Variants in SLC22A23 observed in about 807,000 individuals in gnomAD.
SLC22A23 encodes the protein ion transporter protein.
Under a neutral mutation model 61.0 loss-of-function variants are expected in SLC22A23, and 26 were observed. The observed-to-expected ratio is 0.43, with a 90% CI of 0.31 to 0.59. The LOEUF is 0.59. Among genes scored for constraint, SLC22A23 ranks in the 20% least tolerant of loss-of-function variants. The pLI is 0.11. For synonymous variants in SLC22A23, 430 were observed against 413.9 expected (o/e 1.04, Z -0.47); for missense variants, 796 against 934.7 (o/e 0.85, Z 1.94).
intron 3 of SLC22A23, among the ~76,000 whole-genome samples, chr6:3,358,986 T>C (rs938320648): frequency 3.3e-5 from 5 of 152,198 alleles, no homozygotes; most frequent in Admixed American, 6.5e-5. Context: ...GTCAGCGCCA[T>C]GTCAGGTGCG....
rs771831912 is a variant in SLC22A23, at chr6:3,420,248, AC to A, written c.655-4394del. ...GCAAAATGAGAAAAAAAAAAAAAAA[AC>A]CAAAAACTGTGGAGTCAGAGAACCT... On this transcript the variant is annotated intron_variant, in intron 1 of 9. Transcript: ENST00000406686. 5.8e-3 allele frequency among the ~76,000 whole-genome samples: 871 copies of A among 148,958 alleles called. 7 individuals are homozygous for A. Among genetic ancestry groups the A allele is most frequent in the African/African-American group, 0.019 (781 of 40,562 alleles).
chr6:3,345,422 T>C (rs1375903277), intron 3 of SLC22A23, among the ~76,000 whole-genome samples: 3 of 147,062 alleles, frequency 2.0e-5, no homozygotes, highest in Non-Finnish European at 1.5e-5. Flanking sequence ...TGGAGTGCAG[T>C]GGTACGAACT....
intron 9 of SLC22A23, among the ~76,000 whole-genome samples, chr6:3,275,413 T>C (rs1007796525): frequency 1.3e-5 from 2 of 152,174 alleles, no homozygotes; most frequent in African/African-American, 4.8e-5. Flanking sequence ...TAGGCAAAGA[T>C]TTCTTACACA....
At chr6:3,364,797 G>A (rs2127454632) in intron 3 of SLC22A23, among the ~76,000 whole-genome samples, 1 of 152,318 alleles carries the variant, frequency 6.6e-6, no homozygotes, top group South Asian at 2.1e-4. Context: ...TTAAGACTTG[G>A]AATCTGGCCT....
At chr6:3,300,841 T>C (rs1284550212) in intron 4 of SLC22A23, among the ~76,000 whole-genome samples, 3 of 152,206 alleles carry the variant, frequency 2.0e-5, no homozygotes, top group South Asian at 2.1e-4. Context: ...ATCTGAATGA[T>C]AACTCACTCT....
At position 3,286,818 on chromosome 6, in the gene SLC22A23, C is replaced by T. The variant is rs1436633312; in HGVS notation, c.1546+41G>A. The T allele has an allele frequency of 1.3e-6, 2 of 1,516,042 alleles. No individual in the cohort carries two copies. Among genetic ancestry groups the T allele is most frequent in the East Asian group, 2.4e-5 (1 of 41,058 alleles). 93.9% of individuals were successfully genotyped at this position (1,516,042 alleles called of 1,614,324 possible). On this transcript the variant is annotated intron_variant, in intron 7 of 9. Coordinates refer to ENST00000406686, the MANE Select transcript of SLC22A23 (RefSeq NM_015482.2). This position sits in a 1 kb window ranked among gnomAD's most constrained non-coding sequence, Gnocchi z 4.2. Reference sequence around the variant, plus strand: ...TCAAATGCCCTTGGGGATCTGCCAGCTTCCCTCCCTGCACCCAGCCCACCT... The same window carrying T: ...TCAAATGCCCTTGGGGATCTGCCAGTTTCCCTCCCTGCACCCAGCCCACCT...
chr6:3,437,695 T>A (rs1215083505), intron 1 of SLC22A23, among the ~76,000 whole-genome samples: 2 of 146,626 alleles, frequency 1.4e-5, no homozygotes, highest in African/African-American at 2.5e-5. Context: ...TCTCAAAAAA[T>A]AAATAAATAA....
In SLC22A23 at chr6:3,270,276, G is replaced by C. The variant is rs1127477; in HGVS notation, c.*2779C>G. The stretch of plus-strand genomic sequence containing the variant: ...GGGAACAGCACAGAGGGGTTCAAGC[G>C]TGACAGACGGTGCTGGGAAGTGGGC... On this transcript the variant is annotated 3_prime_UTR_variant, in exon 10 of 10. Transcript: ENST00000406686. The C allele has an allele frequency of 0.86, 130,775 of 152,368 alleles. 56,323 individuals are homozygous for C. The highest frequency in any genetic ancestry group is 0.87 in the Non-Finnish European group (59,413 of 68,060). The allele number at this position is 152,368 out of a possible 1,614,324, so 9.4% of individuals were successfully genotyped here. A position where few individuals can be genotyped will look rare whatever the true frequency, so the allele number is the denominator to read the frequency against.
chr6:3,375,112 C>G (rs1766473846), intron 3 of SLC22A23, among the ~76,000 whole-genome samples: 1 of 152,054 alleles, frequency 6.6e-6, no homozygotes, highest in Non-Finnish European at 1.5e-5. Context: ...CAAAGGAAAA[C>G]AGTCATCTCA....
At chr6:3,284,472 G>C (rs761229918) in intron 8 of SLC22A23, among the ~76,000 whole-genome samples, 1 of 152,194 alleles carries the variant, frequency 6.6e-6, no homozygotes, top group South Asian at 2.1e-4. Context: ...GACCGACCTC[G>C]CGCCAGGACA....
intron 3 of SLC22A23, among the ~76,000 whole-genome samples, chr6:3,332,046 G>T (rs9503545): frequency 0.25 from 37,415 of 152,098 alleles, 5,947 homozygotes; most frequent in African/African-American, 0.44. Context: ...CATGTTTGTA[G>T]AATTATATCA....
intron 5 of SLC22A23, among the ~76,000 whole-genome samples, chr6:3,294,573 T>G (rs1251848823): frequency 3.9e-5 from 6 of 152,170 alleles, no homozygotes; most frequent in African/African-American, 1.4e-4. Context: ...GTGGCACTCA[T>G]CCCGGGTCTC....
intron 4 of SLC22A23, among the ~76,000 whole-genome samples, chr6:3,320,391 A>T (rs1018754932): frequency 5.3e-5 from 8 of 151,994 alleles, no homozygotes; most frequent in Admixed American, 6.6e-5. Context: ...CCCCTTGGGG[A>T]CCGTGCCTCG....
At chr6:3,311,525 A>G (rs1338048718) in intron 4 of SLC22A23, 1 of 152,148 alleles carries the variant, frequency 6.6e-6, no homozygotes, top group African/African-American at 2.4e-5. Context: ...TTCCACTTGG[A>G]TTTTTTAAAC....
At chr6:3,436,759 A>G (rs1480114834) in intron 1 of SLC22A23, among the ~76,000 whole-genome samples, 2 of 152,216 alleles carry the variant, frequency 1.3e-5, no homozygotes, top group Non-Finnish European at 2.9e-5. Flanking sequence ...AGTGCTGTGC[A>G]CAAAGTATCA....
intron 3 of SLC22A23, among the ~76,000 whole-genome samples, chr6:3,366,332 CA>C (rs11387672): frequency 4.4e-4 from 33 of 74,160 alleles, no homozygotes; most frequent in Admixed American, 1.7e-3. Context: ...GACTCTGTCT[CA>C]AAAAAAAAAA....
At chr6:3,423,097 T>C (rs1179081322) in intron 1 of SLC22A23, among the ~76,000 whole-genome samples, 2 of 152,178 alleles carry the variant, frequency 1.3e-5, no homozygotes, top group Non-Finnish European at 2.9e-5. Context: ...TTCTGCGCAG[T>C]GCAGCCTTCC....
rs376328540 is a variant in SLC22A23 at position 3,372,571 on chromosome 6, T to G, written c.913+37617A>C. Among the ~76,000 whole-genome samples the G allele has an allele frequency of 5.3e-5, 8 of 152,156 alleles. No individual in the cohort carries two copies. Among genetic ancestry groups the G allele is most frequent in the Admixed American group, 3.9e-4 (6 of 15,282 alleles). On this transcript the variant is annotated intron_variant, in intron 3 of 9. Coordinates refer to ENST00000406686, the MANE Select transcript of SLC22A23 (RefSeq NM_015482.2). The surrounding 1 kb of genome is among the most constrained non-coding windows in gnomAD (Gnocchi z 4.7). ...AGCCTGGAGCTCTGTCGTGTACTGG[T>G]GGCGTGGCCTGAGGAAACCGTGGCT...
chr6:3,387,272 C>T lies in SLC22A23; in HGVS notation c.913+22916G>A, dbSNP rs528038113. Among the ~76,000 whole-genome samples the T allele has an allele frequency of 3.3e-5, 5 of 152,358 alleles. No homozygotes were observed. Among genetic ancestry groups the T allele is most frequent in the South Asian group, 2.1e-4 (1 of 4,824 alleles). On this transcript the variant is annotated intron_variant, in intron 3 of 9. Coordinates refer to ENST00000406686, the MANE Select transcript of SLC22A23 (RefSeq NM_015482.2). This position sits in a 1 kb window ranked among gnomAD's most constrained non-coding sequence, Gnocchi z 5.0. ...CGTGACCAGTGACAGCTCACGCTGACGTCAGAGCTCCTGCCTCGATACGAC... is the reference window on the plus strand; with the variant it reads ...CGTGACCAGTGACAGCTCACGCTGATGTCAGAGCTCCTGCCTCGATACGAC...
Sources: gnomAD v4.1 joint callset for allele counts (sites outside exome capture counted in the v4.1 genomes callset) on GRCh38, gnomAD v4.1.1 for gene constraint, Gnocchi (gnomAD v3.1) non-coding constraint, MANE v1.5 for transcripts, NCBI Gene and HGNC (gene_info 2026-07-23, HGNC 2026-07-21) for gene names.